LRP1B: variants seen among roughly 807,000 people sequenced by gnomAD.
LRP1B encodes LDL receptor related protein 1B, also known as low-density lipoprotein receptor-related protein 1B.
LRP1B carries 217 observed loss-of-function variants against 556.6 expected under a neutral mutation model. The ratio of observed to expected loss-of-function variants is 0.39; its 90% CI spans 0.35 to 0.44. LRP1B has a LOEUF of 0.44. Among genes scored for constraint, LRP1B ranks in the 20% least tolerant of loss-of-function variants. The pLI is 1.00. For missense variants in LRP1B, 5,053 were observed against 5,620.8 expected, an observed-to-expected ratio of 0.90 and a Z score of 3.23; for synonymous variants, 2,047 against 1,865.8, an observed-to-expected ratio of 1.10 and a Z score of -2.50.
chr2:141,638,306 G>A (rs1002047649), intron 2 of LRP1B, among the ~76,000 whole-genome samples: 8 of 152,170 alleles, frequency 5.3e-5, no homozygotes, highest in Non-Finnish European at 8.8e-5. Flanking sequence ...CTTCTTGGAA[G>A]CCCTCATGGG....
intron 52 of LRP1B, among the ~76,000 whole-genome samples, chr2:140,507,447 G>T (rs1275057313): frequency 6.6e-6 from 1 of 152,160 alleles, no homozygotes; most frequent in African/African-American, 2.4e-5. Context: ...GACTTCTAGA[G>T]TGGGGTGTCC....
At chr2:140,860,270 A>G (rs1692750018) in intron 27 of LRP1B, among the ~76,000 whole-genome samples, 1 of 152,172 alleles carries the variant, frequency 6.6e-6, no homozygotes, top group Non-Finnish European at 1.5e-5. Context: ...GAGTTAGAGT[A>G]TAACTGGTAT....
intron 2 of LRP1B, among the ~76,000 whole-genome samples, chr2:141,773,356 T>C (rs1694962078): frequency 1.3e-5 from 2 of 152,226 alleles, no homozygotes; most frequent in South Asian, 4.1e-4. Context: ...CTGCCCTAGA[T>C]TTACTTAGCC....
intron 33 of LRP1B, among the ~76,000 whole-genome samples, chr2:140,773,758 A>G (rs1418793724): frequency 3.3e-5 from 5 of 151,874 alleles, no homozygotes; most frequent in Non-Finnish European, 7.4e-5. Context: ...TTAATAGTGA[A>G]GGAGAGAAAA....
At chr2:141,616,055 G>T (rs950987894) in intron 2 of LRP1B, among the ~76,000 whole-genome samples, 9 of 152,108 alleles carry the variant, frequency 5.9e-5, no homozygotes, top group African/African-American at 2.2e-4. Context: ...AGGCCGAGAT[G>T]GGCGGACCAC....
chr2:140,387,131 G>C (rs914495282), intron 66 of LRP1B, among the ~76,000 whole-genome samples: 2 of 152,104 alleles, frequency 1.3e-5, no homozygotes, highest in African/African-American at 4.8e-5. Flanking sequence ...CGTGTACTTA[G>C]ATCAACTCCT....
intron 2 of LRP1B, among the ~76,000 whole-genome samples, chr2:141,631,267 C>A (rs1429964403): frequency 2.0e-5 from 3 of 152,098 alleles, no homozygotes. Context: ...CCCTATGCTT[C>A]AATTACCTCC....
intron 60 of LRP1B, among the ~76,000 whole-genome samples, chr2:140,467,371 A>G (rs929610024): frequency 3.3e-5 from 5 of 152,010 alleles, no homozygotes; most frequent in African/African-American, 4.8e-5. Context: ...TGGGAAGCCA[A>G]TGTGGGTGGA....
chr2:140,565,964 G>A (rs1681109644), intron 43 of LRP1B, among the ~76,000 whole-genome samples: 1 of 152,180 alleles, frequency 6.6e-6, no homozygotes, highest in South Asian at 2.1e-4. Flanking sequence ...AGCTGAAGGA[G>A]CTGCCTGGAG....
At chr2:140,609,461 T>A (rs1327489874) in intron 41 of LRP1B, among the ~76,000 whole-genome samples, 1 of 152,166 alleles carries the variant, frequency 6.6e-6, no homozygotes, top group Non-Finnish European at 1.5e-5. Context: ...CTAATCTAAA[T>A]TCCATACGTA....
rs1687114142 is a variant in LRP1B, at chr2:140,456,535, T to A, written c.9883A>T (p.Thr3295Ser). 3.1e-6 allele frequency: 5 copies of A among 1,612,896 alleles called. No homozygotes were observed. Among genetic ancestry groups the A allele is most frequent in the Non-Finnish European group, 4.2e-6 (5 of 1,179,356 alleles). The change falls in exon 62 of 91, where the codon ACC becomes TCC. Residue 3295 changes from threonine (T) to serine (S), a missense_variant. Physicochemically the swap from Thr to Ser is moderately conservative, Grantham distance 58. This residue lies in a region of LRP1B where 262 missense variants were observed against 395.1 expected (regional missense o/e 0.66). Transcript: ENST00000389484. ...TTAGTGGGACATGCACAAGTGTGGG[T>A]TTTTCCAGGGGCTAAAAGGCACAAA... ...SHLCLLAPGK[T>S]HTCACPTNFY... is the part of the protein sequence containing the mutation.
chr2:142,074,595 T>A (rs898241783), intron 1 of LRP1B, among the ~76,000 whole-genome samples: 1 of 152,044 alleles, frequency 6.6e-6, no homozygotes, highest in Non-Finnish European at 1.5e-5. Context: ...ATTCAATATG[T>A]TTCCAGCTGG....
intron 32 of LRP1B, among the ~76,000 whole-genome samples, chr2:140,786,231 A>G (rs533597114): frequency 1.1e-4 from 16 of 152,356 alleles, no homozygotes; most frequent in Admixed American, 9.8e-4. Context: ...AATTGCAGTC[A>G]ACTTTCAATT....
chr2:141,616,676 A>G (rs955431428), intron 2 of LRP1B, among the ~76,000 whole-genome samples: 7 of 152,238 alleles, frequency 4.6e-5, no homozygotes, highest in Admixed American at 3.3e-4. Flanking sequence ...CTTTTTAAAA[A>G]ATTGTTTTGG....
chr2:141,804,412 C>T (rs921106964), intron 2 of LRP1B, among the ~76,000 whole-genome samples: 7 of 152,024 alleles, frequency 4.6e-5, no homozygotes, highest in African/African-American at 1.2e-4. Context: ...AATTATTCAA[C>T]ATCAAGGTTT....
intron 1 of LRP1B, among the ~76,000 whole-genome samples, chr2:142,124,455 A>T (rs2105017463): frequency 6.6e-6 from 1 of 152,038 alleles, no homozygotes; most frequent in Admixed American, 6.6e-5. Context: ...CCTGTTGTCC[A>T]ATTTATGAAT....
chr2:140,307,037 T>C (rs895819620), intron 83 of LRP1B, among the ~76,000 whole-genome samples: 1 of 152,038 alleles, frequency 6.6e-6, no homozygotes, highest in African/African-American at 2.4e-5. Flanking sequence ...AAATTTCACT[T>C]ATATCACATG....
intron 60 of LRP1B, among the ~76,000 whole-genome samples, chr2:140,472,436 G>T (rs910343349): frequency 6.6e-6 from 1 of 152,018 alleles, no homozygotes; most frequent in Non-Finnish European, 1.5e-5. Context: ...ATTAGGGAGA[G>T]GTTCATGTGA....
chr2:141,291,883 A>AAAC (rs1685978891), intron 3 of LRP1B, among the ~76,000 whole-genome samples: 1 of 131,164 alleles, frequency 7.6e-6, no homozygotes, highest in Non-Finnish European at 1.6e-5. Flanking sequence ...AAAAAAAAAA[A>AAAC]AAAAAAACTT....
Sources: gnomAD v4.1 joint callset for allele counts (sites outside exome capture counted in the v4.1 genomes callset) on GRCh38, gnomAD v4.1.1 for gene constraint, gnomAD v4.1.1 regional missense constraint, MANE v1.5 for transcripts, NCBI Gene and HGNC (gene_info 2026-07-23, HGNC 2026-07-21) for gene names.